The following CNN3 variants were observed in gnomAD, a reference collection of about 807,000 sequenced individuals.
The protein encoded by CNN3 is calponin-3.
Under a neutral mutation model 39.0 loss-of-function variants are expected in CNN3, and 11 were observed. The observed-to-expected ratio is 0.28, with a 90% CI of 0.18 to 0.47. The LOEUF (loss-of-function observed/expected upper bound fraction) is 0.47, where lower values mean the gene tolerates loss of function less well. CNN3 is among the 20% of genes least tolerant of loss of function. CNN3 has a pLI of 0.99. For synonymous variants in CNN3, 101 were observed against 138.3 expected, an observed-to-expected ratio of 0.73 and a Z score of 1.89; for missense variants, 266 against 403.4, an observed-to-expected ratio of 0.66 and a Z score of 2.92.
At chr1:94,900,406 C>T (rs528567288) in intron 5 of CNN3, among the ~76,000 whole-genome samples, 1 of 152,130 alleles carries the variant, frequency 6.6e-6, no homozygotes. Flanking sequence ...CACATATATA[C>T]AAATACATAC....
intron 1 of CNN3, among the ~76,000 whole-genome samples, chr1:94,911,768 C>CA (rs1443841654): frequency 9.3e-5 from 14 of 151,330 alleles, no homozygotes; most frequent in South Asian, 2.1e-4. Flanking sequence ...GACCCTGTCT[C>CA]AAAAAAAATA....
chr1:94,897,796 G>A lies in CNN3; in HGVS notation c.936C>T (p.Tyr312=). ...GGTAATCTCTGGGGTAGTCATCCTG[G>A]TACTCGCCATGATACTCATCAGGGT... is the stretch of plus-strand genomic sequence containing the variant. ...AEYPDEYHGE[Y]QDDYPRDYQY... The change falls in exon 7 of 7, where the codon TAC becomes TAT. Residue 312 remains tyrosine (Y), a synonymous_variant. Transcript: ENST00000370206. The A allele has an allele frequency of 6.2e-7, 1 of 1,614,074 alleles. No homozygotes were observed. The highest frequency in any genetic ancestry group is 1.1e-5 in the South Asian group (1 of 91,080).
At chr1:94,924,535 A>C (rs1671529958) in intron 1 of CNN3, 1 of 152,546 alleles carries the variant, frequency 6.6e-6, no homozygotes, top group South Asian at 2.1e-4. Context: ...AGGCAGGAGA[A>C]TCACTTGAAC....
At chr1:94,906,923 A>G (rs1479542094) in intron 1 of CNN3, among the ~76,000 whole-genome samples, 1 of 152,226 alleles carries the variant, frequency 6.6e-6, no homozygotes, top group East Asian at 1.9e-4. Context: ...CCACGAAGTG[A>G]CTACAGACCT....
intron 1 of CNN3, among the ~76,000 whole-genome samples, chr1:94,910,399 G>T (rs1164477020): frequency 6.6e-6 from 1 of 152,120 alleles, no homozygotes; most frequent in African/African-American, 2.4e-5. Context: ...AAAATAGGGT[G>T]TTTAAAATAA....
intron 5 of CNN3, 55 bp downstream of exon 5, chr1:94,901,614 G>GT (rs1207787682): frequency 2.8e-5 from 35 of 1,234,080 alleles, no homozygotes; most frequent in Admixed American, 1.7e-5. Flanking sequence ...ATTTTGCATG[G>GT]TGAGAATTAA....
chr1:94,918,070 A>G (rs1671330552), intron 1 of CNN3, among the ~76,000 whole-genome samples: 1 of 152,258 alleles, frequency 6.6e-6, no homozygotes, highest in African/African-American at 2.4e-5. Flanking sequence ...ATCTGCCTGA[A>G]GATGCTTAGA....
At chr1:94,921,454 A>C (rs1671441462) in intron 1 of CNN3, among the ~76,000 whole-genome samples, 1 of 152,178 alleles carries the variant, frequency 6.6e-6, no homozygotes, top group African/African-American at 2.4e-5. Context: ...ATACAATGCT[A>C]ATGATGGGTG....
At chr1:94,899,573 C>T (rs1329345938) in intron 5 of CNN3, 56 bp from the exon 6 acceptor site, 1 of 1,552,362 alleles carries the variant, frequency 6.4e-7, no homozygotes, top group Non-Finnish European at 8.7e-7. Context: ...ATATACACAA[C>T]ACAAACAAAA....
At chr1:94,920,538 T>C (rs1346805300) in intron 1 of CNN3, among the ~76,000 whole-genome samples, 2 of 152,210 alleles carry the variant, frequency 1.3e-5, no homozygotes, top group Non-Finnish European at 2.9e-5. Context: ...GGCATTATTC[T>C]AAACACTTTA....
In CNN3 at chr1:94,921,611, GA is replaced by G. The variant is rs57882580; in HGVS notation, c.57+5226del. Among the ~76,000 whole-genome samples the G allele has an allele frequency of 9.2e-3, 1,245 of 134,622 alleles. 18 individuals carry two copies. Among genetic ancestry groups the G allele is most frequent in the African/African-American group, 0.033 (1,184 of 36,228 alleles). 88.3% of individuals were successfully genotyped at this position (134,622 alleles called of 152,430 possible). A position where few individuals can be genotyped will look rare whatever the true frequency, so the allele number is the denominator to read the frequency against. ...ACCTGGAAGGGAAACAGGCACTGGG[GA>G]AAAAAAAAGCCTATACCTCTGTTGA... is the stretch of plus-strand genomic sequence containing the variant. On this transcript the variant is annotated intron_variant, in intron 1 of 6. Transcript: ENST00000370206.
At chr1:94,901,383 A>G (rs1670861536) in intron 5 of CNN3, among the ~76,000 whole-genome samples, 1 of 151,708 alleles carries the variant, frequency 6.6e-6, no homozygotes, top group Admixed American at 6.6e-5. Flanking sequence ...AAAAAATTTA[A>G]AAGTGTATTT....
At chr1:94,916,709 A>T (rs1035604971) in intron 1 of CNN3, among the ~76,000 whole-genome samples, 2 of 152,322 alleles carry the variant, frequency 1.3e-5, no homozygotes, top group East Asian at 1.9e-4. Flanking sequence ...CTGGAAACTG[A>T]ATGCTTGAAT....
intron 5 of CNN3, among the ~76,000 whole-genome samples, chr1:94,900,450 T>C (rs1234523346): frequency 2.0e-5 from 3 of 152,228 alleles, no homozygotes; most frequent in Non-Finnish European, 1.5e-5. Flanking sequence ...TAAAAATCCA[T>C]ACTGACCACA....
At chr1:94,913,088 C>T (rs565993643) in intron 1 of CNN3, among the ~76,000 whole-genome samples, 9 of 152,254 alleles carry the variant, frequency 5.9e-5, no homozygotes, top group Non-Finnish European at 1.3e-4. Context: ...ATCTTTCTTA[C>T]GTTAATACAC....
chr1:94,916,524 A>C (rs1671282864), intron 1 of CNN3, among the ~76,000 whole-genome samples: 1 of 152,252 alleles, frequency 6.6e-6, no homozygotes, highest in Non-Finnish European at 1.5e-5. Context: ...TGTAGCACCT[A>C]GTATTTTCCA....
chr1:94,907,676 C>T lies in CNN3; in HGVS notation c.58-4152G>A, dbSNP rs369628557. Reference sequence around the variant, plus strand: ...GAGATCAAGACCATCCTGGCTAACACGGTGAAACCCTGTCTCTGCTAAAAA... The same window carrying T: ...GAGATCAAGACCATCCTGGCTAACATGGTGAAACCCTGTCTCTGCTAAAAA... On this transcript the variant is annotated intron_variant, in intron 1 of 6. Transcript: ENST00000370206. Among the ~76,000 whole-genome samples, 13 of 152,218 alleles carry T rather than the reference C, an allele frequency of 8.5e-5. 1 individual carries two copies. The highest frequency in any genetic ancestry group is 2.1e-4 in the South Asian group (1 of 4,824).
In CNN3 at chr1:94,921,731, T is replaced by TA. The variant is rs1223201904; in HGVS notation, c.57+5106dup. Among the ~76,000 whole-genome samples, 8 of 152,164 alleles carry TA rather than the reference T, an allele frequency of 5.3e-5. No homozygotes were observed. In the South Asian group the frequency reaches 8.3e-4, roughly 16 times the overall value. On this transcript the variant is annotated intron_variant, in intron 1 of 6. Coordinates refer to ENST00000370206, the MANE Select transcript of CNN3 (RefSeq NM_001839.5). ...AACAATTTCCACAAATGTTAGACTG[T>TA]AAAAAATCAGTGAGCCTGACGATAA...
At chr1:94,920,084 T>A (rs192711444) in intron 1 of CNN3, among the ~76,000 whole-genome samples, 3 of 152,138 alleles carry the variant, frequency 2.0e-5, no homozygotes, top group African/African-American at 7.2e-5. Flanking sequence ...GAAAGATATA[T>A]CTTATTTAAA....
Sources: allele counts gnomAD v4.1 joint callset (sites outside exome capture counted in the v4.1 genomes callset), GRCh38; gene constraint gnomAD v4.1.1; transcripts MANE v1.5; gene names NCBI Gene and HGNC (gene_info 2026-07-23, HGNC 2026-07-21).